The following ST3GAL2 variants were observed in gnomAD, a reference collection of about 807,000 sequenced individuals.
ST3GAL2 encodes the protein CMP-N-acetylneuraminate-beta-galactosamide-alpha-2,3-sialyltransferase 2.
ST3GAL2 carries 16 observed loss-of-function variants against 37.5 expected under a neutral mutation model. That is an observed-to-expected ratio of 0.43 (90% CI 0.29 to 0.65). The LOEUF (loss-of-function observed/expected upper bound fraction) is 0.65. ST3GAL2 is among the 30% of genes least tolerant of loss of function. The pLI, the probability that ST3GAL2 is intolerant of heterozygous loss-of-function variation, is 0.17. For synonymous variants in ST3GAL2, 238 were observed against 202.9 expected (o/e 1.17, Z -1.47); for missense variants, 383 against 487.8 (o/e 0.79, Z 2.02).
chr16:70,429,588 CAAA>C (rs1173306093), intron 1 of ST3GAL2, among the ~76,000 whole-genome samples: 11 of 36,050 alleles, frequency 3.1e-4, no homozygotes, highest in African/African-American at 5.8e-4. Flanking sequence ...GACTCTGTCT[CAAA>C]AAAAAAAAAA....
Position 70,433,837 on chromosome 16 carries a change from T to C in ST3GAL2, c.-1004+5112A>G, listed in dbSNP as rs193259378. The stretch of plus-strand genomic sequence containing the variant: ...CAACCAAATAGGATTCCTTACTACT[T>C]TCTAAATAAATCCCCTATGCTCTAG... On this transcript the variant is annotated intron_variant, in intron 1 of 6. Transcript: ENST00000342907. Among the ~76,000 whole-genome samples, 30 of 152,302 alleles carry C rather than the reference T, an allele frequency of 2.0e-4. 1 individual carries two copies. The highest frequency in any genetic ancestry group is 8.3e-4 in the South Asian group (4 of 4,832).
intron 1 of ST3GAL2, among the ~76,000 whole-genome samples, chr16:70,414,876 ATTTATTT>A (rs2047664716): frequency 6.7e-6 from 1 of 149,098 alleles, no homozygotes; most frequent in African/African-American, 2.5e-5. Context: ...TTTATTTATT[ATTTATTT>A]ATTTTTTTGA....
intron 1 of ST3GAL2, among the ~76,000 whole-genome samples, chr16:70,408,905 A>G (rs1597568016): frequency 8.9e-5 from 10 of 112,612 alleles, no homozygotes; most frequent in African/African-American, 4.7e-4. Flanking sequence ...AAAAAAAAAA[A>G]AAAAAAAAAA....
At chr16:70,432,906 G>C (rs1279356576) in intron 1 of ST3GAL2, among the ~76,000 whole-genome samples, 1 of 152,240 alleles carries the variant, frequency 6.6e-6, no homozygotes, top group Non-Finnish European at 1.5e-5. Context: ...AGATGCAAAA[G>C]CACCCAGCTG....
chr16:70,412,837 A>C (rs1156809230), intron 1 of ST3GAL2, among the ~76,000 whole-genome samples: 1 of 151,836 alleles, frequency 6.6e-6, no homozygotes, highest in African/African-American at 2.4e-5. Flanking sequence ...ACTTGAGCTC[A>C]GGAGTTCGAG....
intron 1 of ST3GAL2, among the ~76,000 whole-genome samples, chr16:70,414,757 C>T (rs2047663430): frequency 6.6e-6 from 1 of 152,218 alleles, no homozygotes; most frequent in Non-Finnish European, 1.5e-5. Context: ...ACTGCAACCT[C>T]CGCCTCCTGG....
At position 70,413,873 on chromosome 16, in the gene ST3GAL2, A is replaced by G. The variant is rs190221537; in HGVS notation, c.-1003-14340T>C. 1.1e-4 allele frequency among the ~76,000 whole-genome samples: 16 copies of G among 152,278 alleles called. No individual in the cohort carries two copies. The South Asian group carries it at 2.1e-3, about 20-fold the overall frequency. ...TCAAGCAATTTCCTAGCTCAATTCC[A>G]TGCTCCAAATGGAACACTTTATGGC... On this transcript the variant is annotated intron_variant, in intron 1 of 6. Coordinates refer to ENST00000342907, the MANE Select transcript of ST3GAL2 (RefSeq NM_006927.4).
intron 1 of ST3GAL2, among the ~76,000 whole-genome samples, chr16:70,428,244 G>A (rs1197794964): frequency 6.6e-6 from 1 of 152,238 alleles, no homozygotes; most frequent in Non-Finnish European, 1.5e-5. Flanking sequence ...GGGAGCTGGT[G>A]GCCAGGCAGG....
At chr16:70,404,286 G>A (rs146768632) in intron 1 of ST3GAL2, among the ~76,000 whole-genome samples, 3,296 of 152,276 alleles carry the variant, frequency 0.022, 55 homozygotes, top group Non-Finnish European at 0.034. Flanking sequence ...CATCTGGGAA[G>A]CCAAGAGAAG....
Position 70,381,568 on chromosome 16 carries a change from G to A in ST3GAL2, c.*121C>T. On this transcript the variant is annotated 3_prime_UTR_variant, in exon 7 of 7. Coordinates refer to ENST00000342907, the MANE Select transcript of ST3GAL2 (RefSeq NM_006927.4). ...GGCCGGTCCCCCAGTCTCGTGATTG[G>A]CGGGGCACAGCAGACGCCCCTGGGC... 1 of 1,230,928 alleles carries A rather than the reference G, an allele frequency of 8.1e-7. No homozygotes were observed. The highest frequency in any genetic ancestry group is 2.6e-5 in the East Asian group (1 of 38,914). The allele number at this position is 1,230,928 out of a possible 1,614,324, so 76.3% of individuals were successfully genotyped here. A position where few individuals can be genotyped will look rare whatever the true frequency, so the allele number is the denominator to read the frequency against.
intron 1 of ST3GAL2, among the ~76,000 whole-genome samples, chr16:70,410,549 G>A (rs764951799): frequency 4.6e-5 from 7 of 151,494 alleles, no homozygotes; most frequent in South Asian, 2.1e-4. Flanking sequence ...CAACACGCCC[G>A]GCCAACCCTC....
At chr16:70,409,839 G>T (rs2047624120) in intron 1 of ST3GAL2, among the ~76,000 whole-genome samples, 1 of 149,002 alleles carries the variant, frequency 6.7e-6, no homozygotes, top group Admixed American at 6.7e-5. Flanking sequence ...ATAAAGACAG[G>T]GTCTTGCTAT....
rs1182304063 is a variant in ST3GAL2 at position 70,381,856 on chromosome 16, C to A, written c.886G>T (p.Val296Leu). 1 of 1,613,598 alleles carries A rather than the reference C, an allele frequency of 6.2e-7. No individual in the cohort carries two copies. Among genetic ancestry groups the A allele is most frequent in the South Asian group, 1.1e-5 (1 of 91,074 alleles). ...FALHVCDEVN[V>L]YGFGADSRGN... Reference sequence around the variant, plus strand: ...CGGCTGTCGGCCCCGAACCCGTACACGTTCACCTGCGGGGAAGCGCAGCGG... The same window carrying A: ...CGGCTGTCGGCCCCGAACCCGTACAAGTTCACCTGCGGGGAAGCGCAGCGG... Residue 296 changes from valine (V) to leucine (L), a missense_variant, in exon 7 of 7, where the codon GTG becomes TTG. Physicochemically the swap from Val to Leu is conservative, Grantham distance 32. Coordinates refer to ENST00000342907, the MANE Select transcript of ST3GAL2 (RefSeq NM_006927.4).
chr16:70,407,199 G>T (rs980749511), intron 1 of ST3GAL2, among the ~76,000 whole-genome samples: 15 of 151,174 alleles, frequency 9.9e-5, no homozygotes, highest in African/African-American at 3.6e-4. Flanking sequence ...GGAGTGCAGT[G>T]GCGCAATATT....
chr16:70,395,296 A>G, intron 2 of ST3GAL2, 121 bp from the exon 3 acceptor site: 1 of 931,020 alleles, frequency 1.1e-6, no homozygotes, highest in Non-Finnish European at 1.6e-6. Context: ...CTCTTTATCC[A>G]GGGCTCTGCC....
chr16:70,428,424 T>C (rs2047766011), intron 1 of ST3GAL2, among the ~76,000 whole-genome samples: 1 of 152,214 alleles, frequency 6.6e-6, no homozygotes, highest in Non-Finnish European at 1.5e-5. Flanking sequence ...AGACTGACCT[T>C]TGGCAGCCTT....
At chr16:70,428,454 C>T (rs1421324566) in intron 1 of ST3GAL2, among the ~76,000 whole-genome samples, 2 of 152,222 alleles carry the variant, frequency 1.3e-5, no homozygotes, top group Non-Finnish European at 2.9e-5. Context: ...GAACAAACTG[C>T]CATTAACAAC....
intron 1 of ST3GAL2, among the ~76,000 whole-genome samples, chr16:70,427,180 C>T (rs1315135208): frequency 6.6e-6 from 1 of 152,018 alleles, no homozygotes; most frequent in Admixed American, 6.6e-5. Flanking sequence ...GACAGTCACG[C>T]CCCTGAACAC....
chr16:70,434,833 G>A (rs2047814504), intron 1 of ST3GAL2, among the ~76,000 whole-genome samples: 2 of 152,228 alleles, frequency 1.3e-5, no homozygotes. Flanking sequence ...GACCCACAGT[G>A]TATCTCTGGG....
Sources: allele counts gnomAD v4.1 joint callset (sites outside exome capture counted in the v4.1 genomes callset), GRCh38; gene constraint gnomAD v4.1.1; transcripts MANE v1.5; gene names NCBI Gene and HGNC (gene_info 2026-07-23, HGNC 2026-07-21).